Variants in FSTL5 observed in about 807,000 individuals in gnomAD.
FSTL5 encodes the protein follistatin-related protein 5.
Under a neutral mutation model 89.1 loss-of-function variants are expected in FSTL5, and 62 were observed. That is an observed-to-expected ratio of 0.70 (90% CI 0.57 to 0.86). The LOEUF is 0.86. FSTL5 is among the 40% of genes least tolerant of loss of function. The pLI, the probability that FSTL5 is intolerant of heterozygous loss-of-function variation, is 0.00. For missense variants in FSTL5, 1,057 were observed against 1,001.6 expected, an observed-to-expected ratio of 1.06 and a Z score of -0.75; for synonymous variants, 383 against 346.2, an observed-to-expected ratio of 1.11 and a Z score of -1.18.
intron 1 of FSTL5, among the ~76,000 whole-genome samples, chr4:162,123,940 C>T (rs1271337355): frequency 6.6e-6 from 1 of 151,564 alleles, no homozygotes; most frequent in East Asian, 1.9e-4. Context: ...GTAAAAAGTG[C>T]TTATTGGATA....
intron 3 of FSTL5, among the ~76,000 whole-genome samples, chr4:161,972,470 T>TCCA (rs1213384547): frequency 1.3e-5 from 2 of 152,232 alleles, no homozygotes; most frequent in Non-Finnish European, 2.9e-5. Context: ...CTTGCTTTGC[T>TCCA]GGAGCAAGCT....
chr4:161,436,686 G>T (rs1732570774), intron 15 of FSTL5, among the ~76,000 whole-genome samples: 1 of 152,172 alleles, frequency 6.6e-6, no homozygotes, highest in Non-Finnish European at 1.5e-5. Flanking sequence ...TGTAATATCT[G>T]TATCAAAACC....
intron 5 of FSTL5, among the ~76,000 whole-genome samples, chr4:161,763,245 T>G (rs968749824): frequency 1.3e-5 from 2 of 152,116 alleles, no homozygotes; most frequent in African/African-American, 4.8e-5. Context: ...CATATGAAAC[T>G]CATATTCTGG....
intron 4 of FSTL5, among the ~76,000 whole-genome samples, chr4:161,857,495 C>G (rs1731758317): frequency 2.0e-5 from 3 of 152,146 alleles, no homozygotes; most frequent in Admixed American, 2.0e-4. Context: ...GCTACCCCTT[C>G]CAACTCATCA....
intron 1 of FSTL5, among the ~76,000 whole-genome samples, chr4:162,138,504 T>G (rs1434644031): frequency 2.6e-5 from 4 of 152,100 alleles, no homozygotes; most frequent in Non-Finnish European, 5.9e-5. Flanking sequence ...GACATCTATT[T>G]TTCTTAATGT....
intron 6 of FSTL5, among the ~76,000 whole-genome samples, chr4:161,696,408 G>T (rs960269701): frequency 1.3e-5 from 2 of 152,010 alleles, no homozygotes. Flanking sequence ...CTCCATATTT[G>T]TTCTTTTTGT....
intron 3 of FSTL5, among the ~76,000 whole-genome samples, chr4:162,019,330 C>G (rs1737004004): frequency 6.6e-6 from 1 of 152,010 alleles, no homozygotes; most frequent in African/African-American, 2.4e-5. Context: ...ATGTGTACTT[C>G]CAGATTTGCA....
intron 8 of FSTL5, among the ~76,000 whole-genome samples, chr4:161,570,000 T>C (rs1299818009): frequency 1.3e-5 from 2 of 152,158 alleles, no homozygotes; most frequent in African/African-American, 2.4e-5. Context: ...ATGAGAAACA[T>C]CTATTCATCT....
chr4:161,863,976 G>A (rs1334214982), intron 4 of FSTL5, among the ~76,000 whole-genome samples: 2 of 152,142 alleles, frequency 1.3e-5, no homozygotes, highest in African/African-American at 4.8e-5. Flanking sequence ...TGTTTTTGTT[G>A]ACATTTGTTA....
chr4:161,583,464 C>G (rs778514871), intron 8 of FSTL5, among the ~76,000 whole-genome samples: 15 of 152,190 alleles, frequency 9.9e-5, no homozygotes, highest in Admixed American at 9.8e-4. Context: ...CTCCTTTGAG[C>G]CCCTGTCCTT....
At chr4:161,855,884 G>T (rs992802289) in intron 4 of FSTL5, among the ~76,000 whole-genome samples, 2 of 152,058 alleles carry the variant, frequency 1.3e-5, no homozygotes, top group African/African-American at 4.8e-5. Context: ...GGAAAAAATG[G>T]TTCAAAGAGG....
chr4:161,763,407 G>C (rs1257988201), intron 5 of FSTL5, among the ~76,000 whole-genome samples: 1 of 152,190 alleles, frequency 6.6e-6, no homozygotes, highest in South Asian at 2.1e-4. Context: ...AGGTATGGGT[G>C]TTAGATTTCT....
intron 7 of FSTL5, among the ~76,000 whole-genome samples, chr4:161,647,158 T>G (rs1736180541): frequency 6.6e-6 from 1 of 152,170 alleles, no homozygotes; most frequent in Non-Finnish European, 1.5e-5. Context: ...ATTTATTTCA[T>G]TTTGAGTTGA....
At chr4:161,628,552 A>G (rs1735390467) in intron 7 of FSTL5, among the ~76,000 whole-genome samples, 1 of 152,194 alleles carries the variant, frequency 6.6e-6, no homozygotes. Flanking sequence ...AGATTAACCA[A>G]GGATGAATGA....
intron 4 of FSTL5, among the ~76,000 whole-genome samples, chr4:161,820,674 T>C (rs2126849546): frequency 6.6e-6 from 1 of 152,260 alleles, no homozygotes; most frequent in African/African-American, 2.4e-5. Flanking sequence ...CTCATTTCCT[T>C]CACGGACTTG....
At chr4:161,641,288 T>G (rs775814880) in intron 7 of FSTL5, among the ~76,000 whole-genome samples, 10 of 152,200 alleles carry the variant, frequency 6.6e-5, no homozygotes, top group Non-Finnish European at 1.2e-4. Flanking sequence ...TCAATTATCA[T>G]AACTTTGGTT....
intron 7 of FSTL5, among the ~76,000 whole-genome samples, chr4:161,603,379 T>C (rs1161695457): frequency 6.6e-6 from 1 of 152,172 alleles, no homozygotes; most frequent in Non-Finnish European, 1.5e-5. Context: ...ATAGGATTAG[T>C]AGTGGCTTTA....
chr4:161,813,754 T>A (rs1730238352), intron 4 of FSTL5, among the ~76,000 whole-genome samples: 1 of 152,176 alleles, frequency 6.6e-6, no homozygotes, highest in Non-Finnish European at 1.5e-5. Flanking sequence ...TATTCTTAAT[T>A]GTTTATTTCA....
chr4:161,835,002 C>A (rs1033074222), intron 4 of FSTL5, among the ~76,000 whole-genome samples: 3 of 145,750 alleles, frequency 2.1e-5, no homozygotes, highest in Non-Finnish European at 4.5e-5. Context: ...CAAGTCAATC[C>A]TAAGCCAAAA....
Sources: gnomAD v4.1 joint callset for allele counts (sites outside exome capture counted in the v4.1 genomes callset) on GRCh38, gnomAD v4.1.1 for gene constraint, MANE v1.5 for transcripts, NCBI Gene and HGNC (gene_info 2026-07-23, HGNC 2026-07-21) for gene names.